The following ARHGAP42 variants were observed in gnomAD, a reference collection of about 807,000 sequenced individuals.
ARHGAP42 encodes the protein Rho GTPase activating protein 42.
Under a neutral mutation model 125.0 loss-of-function variants are expected in ARHGAP42, and 63 were observed. The observed-to-expected ratio is 0.50, with a 90% CI of 0.41 to 0.62. The LOEUF (loss-of-function observed/expected upper bound fraction) is 0.62. Among genes scored for constraint, ARHGAP42 ranks in the 20% least tolerant of loss-of-function variants. The pLI is 0.00. For synonymous variants in ARHGAP42, 339 were observed against 351.0 expected, an observed-to-expected ratio of 0.97 and a Z score of 0.38; for missense variants, 766 against 1,024.2, an observed-to-expected ratio of 0.75 and a Z score of 3.44.
chr11:100,820,926 A>T (rs11224469), intron 3 of ARHGAP42, among the ~76,000 whole-genome samples: 88,761 of 132,414 alleles, frequency 0.67, 26,371 homozygotes, highest in South Asian at 0.75. Context: ...TTTTTTTTTT[A>T]AATTAACTGT....
chr11:100,867,856 T>C (rs1865607857), intron 4 of ARHGAP42, among the ~76,000 whole-genome samples: 1 of 152,200 alleles, frequency 6.6e-6, no homozygotes, highest in South Asian at 2.1e-4. Flanking sequence ...AGTTGAATAC[T>C]TGGAAGCCAT....
chr11:100,982,585 T>A (rs1344078832), intron 22 of ARHGAP42, among the ~76,000 whole-genome samples: 1 of 152,216 alleles, frequency 6.6e-6, no homozygotes, highest in Non-Finnish European at 1.5e-5. Context: ...TATAAAGGCA[T>A]GTGGAAAATA....
Position 100,990,076 on chromosome 11 carries a change from G to A in ARHGAP42, c.*1275G>A, listed in dbSNP as rs756391797. On this transcript the variant is annotated 3_prime_UTR_variant, in exon 24 of 24. Coordinates refer to ENST00000298815, the MANE Select transcript of ARHGAP42 (RefSeq NM_152432.4). Reference sequence around the variant, plus strand: ...GTCCACTTATATATATCAGCATCTGGTCATGCACGAACCATTAATTCTATA... The same window carrying A: ...GTCCACTTATATATATCAGCATCTGATCATGCACGAACCATTAATTCTATA... 3 of 152,030 alleles carry A rather than the reference G, an allele frequency of 2.0e-5. No homozygotes were observed. The highest frequency in any genetic ancestry group is 6.6e-5 in the Admixed American group (1 of 15,234). 9.4% of individuals were successfully genotyped at this position (152,030 alleles called of 1,614,324 possible).
intron 6 of ARHGAP42, among the ~76,000 whole-genome samples, chr11:100,930,987 C>T (rs373938425): frequency 1.3e-5 from 2 of 152,158 alleles, no homozygotes; most frequent in East Asian, 1.9e-4. Flanking sequence ...GGGATATTTG[C>T]GTAGACATAA....
In ARHGAP42 at chr11:100,976,765, A is replaced by G. The variant is rs1469573133; in HGVS notation, c.2237-50A>G. The G allele has an allele frequency of 4.5e-6, 7 of 1,542,004 alleles. No homozygotes were observed. In the South Asian group the frequency reaches 4.8e-5, roughly 11 times the overall value. ...TTATGCACATGTACGTGTTATTGCT[A>G]TTATGTTGTCTAATAGCACCTTGCC... On this transcript the variant is annotated intron_variant, in intron 20 of 23. Transcript: ENST00000298815.
chr11:100,878,994 T>C (rs1865890439), intron 4 of ARHGAP42, among the ~76,000 whole-genome samples: 1 of 151,354 alleles, frequency 6.6e-6, no homozygotes, highest in African/African-American at 2.4e-5. Flanking sequence ...TTTTTTTTTT[T>C]CAAGGAAAGA....
At chr11:100,826,114 C>T (rs1285257606) in intron 3 of ARHGAP42, among the ~76,000 whole-genome samples, 1 of 152,030 alleles carries the variant, frequency 6.6e-6, no homozygotes, top group East Asian at 1.9e-4. Context: ...CACCTCCCCT[C>T]ACTTCTCCTT....
At position 100,716,937 on chromosome 11, in the gene ARHGAP42, TC is replaced by T. The variant is rs965267613; in HGVS notation, c.154+29107del. ...CTGAAGGAGGGCCAGAGAGGAAAAT[TC>T]CAGGATGAGCTCTTGAGATACTTAA... On this transcript the variant is annotated intron_variant, in intron 1 of 23. Coordinates refer to ENST00000298815, the MANE Select transcript of ARHGAP42 (RefSeq NM_152432.4). Among the ~76,000 whole-genome samples the T allele has an allele frequency of 5.6e-4, 85 of 152,230 alleles. 1 individual carries two copies. The highest frequency in any genetic ancestry group is 1.9e-3 in the African/African-American group (79 of 41,540).
chr11:100,810,298 C>T (rs901795017), intron 3 of ARHGAP42, among the ~76,000 whole-genome samples: 1 of 152,056 alleles, frequency 6.6e-6, no homozygotes, highest in African/African-American at 2.4e-5. Flanking sequence ...TCTTTTTTCC[C>T]CTGACTATAC....
chr11:100,979,860 T>C (rs966604828), intron 22 of ARHGAP42, among the ~76,000 whole-genome samples: 1 of 152,226 alleles, frequency 6.6e-6, no homozygotes, highest in Non-Finnish European at 1.5e-5. Flanking sequence ...TAATTGAGGC[T>C]GTGAAGGAAA....
chr11:100,910,265 G>A (rs909546488), intron 4 of ARHGAP42, among the ~76,000 whole-genome samples: 1 of 152,038 alleles, frequency 6.6e-6, no homozygotes, highest in Non-Finnish European at 1.5e-5. Context: ...GTAAGTAACG[G>A]CAGCAACTAT....
Position 100,802,947 on chromosome 11 carries a change from T to G in ARHGAP42, c.312+7781T>G, listed in dbSNP as rs542987088. 1.2e-4 allele frequency among the ~76,000 whole-genome samples: 19 copies of G among 152,348 alleles called. No individual in the cohort carries two copies. The East Asian group carries it at 3.7e-3, about 29-fold the overall frequency. On this transcript the variant is annotated intron_variant, in intron 3 of 23. Coordinates refer to ENST00000298815, the MANE Select transcript of ARHGAP42 (RefSeq NM_152432.4). ...GGCCTCCTGCCCTTTCCATATAGCC[T>G]TAGTTTAGTCCCCTTGAGTTCTAAC... is the stretch of plus-strand genomic sequence containing the variant.
intron 1 of ARHGAP42, among the ~76,000 whole-genome samples, chr11:100,729,666 A>T (rs1861920482): frequency 6.6e-6 from 1 of 152,192 alleles, no homozygotes; most frequent in Admixed American, 6.5e-5. Flanking sequence ...TAATTTTTAA[A>T]ACATTTCTAA....
intron 4 of ARHGAP42, among the ~76,000 whole-genome samples, chr11:100,871,865 G>C (rs973218419): frequency 6.6e-6 from 1 of 152,012 alleles, no homozygotes; most frequent in African/African-American, 2.4e-5. Context: ...TGCTTCAGCC[G>C]CCTGAGTAGC....
At chr11:100,814,774 G>A (rs1864226413) in intron 3 of ARHGAP42, among the ~76,000 whole-genome samples, 1 of 152,192 alleles carries the variant, frequency 6.6e-6, no homozygotes, top group Non-Finnish European at 1.5e-5. Flanking sequence ...ATTCTTGAAG[G>A]ATCCACCTTC....
At chr11:100,738,213 A>G (rs780376455) in intron 1 of ARHGAP42, among the ~76,000 whole-genome samples, 1 of 152,202 alleles carries the variant, frequency 6.6e-6, no homozygotes, top group Non-Finnish European at 1.5e-5. Context: ...AATTATTACA[A>G]TGCTTCAGAG....
chr11:100,879,840 C>G lies in ARHGAP42; in HGVS notation c.384+20215C>G, dbSNP rs146911973. On this transcript the variant is annotated intron_variant, in intron 4 of 23. Coordinates refer to ENST00000298815, the MANE Select transcript of ARHGAP42 (RefSeq NM_152432.4). Reference sequence around the variant, plus strand: ...CATTATGGTTTTCAGGTGAGAGGGTCGTTTGGCAAAAGGAGTAAAGTTAAA... The same window carrying G: ...CATTATGGTTTTCAGGTGAGAGGGTGGTTTGGCAAAAGGAGTAAAGTTAAA... 4.6e-5 allele frequency among the ~76,000 whole-genome samples: 7 copies of G among 152,222 alleles called. No individual in the cohort carries two copies. The South Asian group carries it at 1.5e-3, about 32-fold the overall frequency.
Position 100,687,438 on chromosome 11 carries a change from G to A in ARHGAP42, c.-241G>A, listed in dbSNP as rs1046496032. On this transcript the variant is annotated 5_prime_UTR_variant, in exon 1 of 24. Coordinates refer to ENST00000298815, the MANE Select transcript of ARHGAP42 (RefSeq NM_152432.4). ...ATGCGTCCAGATGACAACAACCTGAGGGGACTCGCGCCTCGGCCCGCCGCC... is the reference window on the plus strand; with the variant it reads ...ATGCGTCCAGATGACAACAACCTGAAGGGACTCGCGCCTCGGCCCGCCGCC... Among the ~76,000 whole-genome samples the A allele has an allele frequency of 3.3e-5, 5 of 151,970 alleles. No individual in the cohort carries two copies. The highest frequency in any genetic ancestry group is 1.2e-4 in the African/African-American group (5 of 41,436).
At position 100,751,773 on chromosome 11, in the gene ARHGAP42, C is replaced by CTTTTTTT. The variant is rs757372755; in HGVS notation, c.155-18550_155-18544dup. Reference sequence around the variant, plus strand: ...CTGGTTATTCAGATCAGACAGGCACCTTTTTTTTTTTTTTTTTTTTTTTTT... The same window carrying CTTTTTTT: ...CTGGTTATTCAGATCAGACAGGCACCTTTTTTTTTTTTTTTTTTTTTTTTTTTTTTTT... On this transcript the variant is annotated intron_variant, in intron 1 of 23. Transcript: ENST00000298815. Among the ~76,000 whole-genome samples the CTTTTTTT allele has an allele frequency of 1.1e-3, 91 of 84,416 alleles. 11 individuals carry two copies. Among genetic ancestry groups the CTTTTTTT allele is most frequent in the Non-Finnish European group, 1.3e-3 (57 of 43,636 alleles). 55.4% of individuals were successfully genotyped at this position (84,416 alleles called of 152,430 possible).
Sources: gnomAD v4.1 joint callset for allele counts (sites outside exome capture counted in the v4.1 genomes callset) on GRCh38, gnomAD v4.1.1 for gene constraint, MANE v1.5 for transcripts, NCBI Gene and HGNC (gene_info 2026-07-23, HGNC 2026-07-21) for gene names.